RPAP1: variants seen among roughly 807,000 people sequenced by gnomAD.
The protein encoded by RPAP1 is RNA polymerase II-associated protein 1.
A neutral mutation model predicts 142.4 loss-of-function variants in RPAP1; 109 were observed. The ratio of observed to expected loss-of-function variants is 0.77; its 90% CI spans 0.66 to 0.90. The LOEUF is 0.90. Among genes scored for constraint, RPAP1 ranks in the 40% least tolerant of loss-of-function variants. RPAP1 has a pLI of 0.00. For synonymous variants in RPAP1, 704 were observed against 738.9 expected (o/e 0.95, Z 0.77); for missense variants, 1,546 against 1,751.7 (o/e 0.88, Z 2.10).
At chr15:41,524,832 G>A (rs903883860) in intron 15 of RPAP1, among the ~76,000 whole-genome samples, 159 bp downstream of exon 15, 2 of 152,132 alleles carry the variant, frequency 1.3e-5, no homozygotes, top group Admixed American at 6.5e-5. Flanking sequence ...CCCTGGCTGG[G>A]CCTGACTCCT....
intron 1 of RPAP1, among the ~76,000 whole-genome samples, chr15:41,542,405 C>G (rs2051979383): frequency 6.6e-6 from 1 of 152,060 alleles, no homozygotes; most frequent in African/African-American, 2.4e-5. Flanking sequence ...GGAAAAATCC[C>G]TAAAGGTTAA....
At chr15:41,518,377 G>A in intron 22 of RPAP1, 195 bp from the exon 23 acceptor site, 1 of 496,600 alleles carries the variant, frequency 2.0e-6, no homozygotes, top group Non-Finnish European at 3.4e-6. Flanking sequence ...GAACTGAGAA[G>A]CAGCCATTAA....
chr15:41,542,150 G>A (rs138948984), intron 1 of RPAP1, among the ~76,000 whole-genome samples: 20 of 152,288 alleles, frequency 1.3e-4, no homozygotes, highest in African/African-American at 3.1e-4. Flanking sequence ...AGACCATGCC[G>A]AAATGCTGGG....
rs751728805 is a variant in RPAP1, at chr15:41,517,815, A to G, written c.4015T>C (p.Trp1339Arg). The change falls in exon 24 of 25, where the codon TGG becomes CGG. Residue 1339 changes from tryptophan (W) to arginine (R), a missense_variant. Physicochemically the swap from Trp to Arg is moderately radical, Grantham distance 101. Coordinates refer to ENST00000304330, the MANE Select transcript of RPAP1 (RefSeq NM_015540.4). Reference protein sequence around the residue: ...AARRSMLQKTWLLADEGLRQH... With the variant: ...AARRSMLQKTRLLADEGLRQH... ...GACCCTACCTCATCTGCCAGCAGCC[A>G]TGTTTTCTGCAGCATACTCCTGCGG... The G allele has an allele frequency of 1.9e-5, 31 of 1,614,034 alleles. No homozygotes were observed. The highest frequency in any genetic ancestry group is 2.3e-5 in the Non-Finnish European group (27 of 1,180,032).
In RPAP1 at chr15:41,536,995, T is replaced by A. The variant is rs2051917111; in HGVS notation, c.131A>T (p.Asn44Ile). ...KKGNRGGGDA[N>I]SDRPPLQDHR... Reference sequence around the variant, plus strand: ...GTCCTGGAGCGGAGGCCGGTCTGAGTTGGCATCACCACCGCCCCTATTTCC... The same window carrying A: ...GTCCTGGAGCGGAGGCCGGTCTGAGATGGCATCACCACCGCCCCTATTTCC... The change falls in exon 2 of 25, where the codon AAC becomes ATC. Residue 44 changes from asparagine (N) to isoleucine (I), a missense_variant. Physicochemically the swap from Asn to Ile is moderately radical, Grantham distance 149. Around this residue, in one of 3 missense-constraint regions of RPAP1, gnomAD observed 1,333 missense variants for 1,486.6 expected, o/e 0.90. Coordinates refer to ENST00000304330, the MANE Select transcript of RPAP1 (RefSeq NM_015540.4). 1 of 1,614,026 alleles carries A rather than the reference T, an allele frequency of 6.2e-7. No homozygotes were observed. The highest frequency in any genetic ancestry group is 2.2e-5 in the East Asian group (1 of 44,866).
rs761731525 is a variant in RPAP1, at chr15:41,534,765, T to C, written c.712A>G (p.Met238Val). The change falls in exon 6 of 25, where the codon ATG (methionine) becomes GTG (valine). Residue 238 changes from methionine (M) to valine (V), a missense_variant. By Grantham distance (21) the Met-to-Val change is conservative. This residue lies in a region of RPAP1 where 1,333 missense variants were observed against 1,486.6 expected (regional missense o/e 0.90). Transcript: ENST00000304330. ...HEENIARLQA[M>V]APEEILQEQQ... ...TCCTGCAGGATCTCCTCAGGAGCCA[T>C]GGCCTGCAGTCTTGCTATGTTCTCT... 12 of 1,613,990 alleles carry C rather than the reference T, an allele frequency of 7.4e-6. No individual in the cohort carries two copies. In the Admixed American group the frequency reaches 1.7e-4, roughly 22 times the overall value.
rs1179957604 is a variant in RPAP1 at position 41,527,606 on chromosome 15, C to T, written c.1429-1G>A. ...AAGAGAAGGTGCTGTCGAGGAGCTC[C>T]TGCCAGAGGAACGGGAGTTGGGGGG... On this transcript the variant is annotated splice_acceptor_variant, in intron 11 of 24. Coordinates refer to ENST00000304330, the MANE Select transcript of RPAP1 (RefSeq NM_015540.4). LOFTEE classifies it high-confidence loss of function. 1.2e-6 allele frequency: 2 copies of T among 1,610,552 alleles called. No individual in the cohort carries two copies. Among genetic ancestry groups the T allele is most frequent in the Non-Finnish European group, 1.7e-6 (2 of 1,178,668 alleles).
chr15:41,517,603 C>T lies in RPAP1; in HGVS notation c.4121G>A (p.Arg1374His), dbSNP rs373393941. 1.1e-5 allele frequency: 17 copies of T among 1,609,630 alleles called. No individual in the cohort carries two copies. The highest frequency in any genetic ancestry group is 1.4e-5 in the Non-Finnish European group (16 of 1,177,714). The change falls in exon 25 of 25, where the codon CGT becomes CAT. Residue 1374 changes from arginine (R) to histidine (H), a missense_variant. This residue lies in a region of RPAP1 where 210 missense variants were observed against 248.0 expected (regional missense o/e 0.85). Coordinates refer to ENST00000304330, the MANE Select transcript of RPAP1 (RefSeq NM_015540.4). ...FELYSQLPPL[R>H]QHYLQRLTST... is the part of the protein sequence containing the mutation. ...AGTCAGTCTCTGGAGGTAGTGCTGA[C>T]GCAGAGGGGGCAACTGAGAATAGAG... is the stretch of plus-strand genomic sequence containing the variant.
chr15:41,536,407 A>G lies in RPAP1; in HGVS notation c.330+94T>C, dbSNP rs2051907914. The G allele has an allele frequency of 6.0e-6, 9 of 1,511,538 alleles. No homozygotes were observed. The African/African-American group carries it at 9.6e-5, about 16-fold the overall frequency. The allele number at this position is 1,511,538 out of a possible 1,614,324, so 93.6% of individuals were successfully genotyped here. Reference sequence around the variant, plus strand: ...CAGGGGTAAAAGTCTACCTTTCTGAAGCACCCTCCACTGATAAGCCTCACC... The same window carrying G: ...CAGGGGTAAAAGTCTACCTTTCTGAGGCACCCTCCACTGATAAGCCTCACC... On this transcript the variant is annotated intron_variant, in intron 3 of 24. Transcript: ENST00000304330.
At chr15:41,543,334 C>G (rs973492754) in intron 1 of RPAP1, among the ~76,000 whole-genome samples, 1 of 151,546 alleles carries the variant, frequency 6.6e-6, no homozygotes, top group African/African-American at 2.4e-5. Flanking sequence ...CTCAGGCTCC[C>G]GAGTAGCTGG....
chr15:41,537,186 T>C lies in RPAP1; in HGVS notation c.-61A>G, dbSNP rs2051921259. 1.3e-6 allele frequency: 2 copies of C among 1,509,770 alleles called. No individual in the cohort carries two copies. Among genetic ancestry groups the C allele is most frequent in the African/African-American group, 2.8e-5 (2 of 72,154 alleles). The allele number at this position is 1,509,770 out of a possible 1,614,324, so 93.5% of individuals were successfully genotyped here. ...TCCAGCAGTGTCTCCGTGTGGGGGT[T>C]CCCTCTTATTCATCCCTAAGAGCAA... On this transcript the variant is annotated 5_prime_UTR_variant, in exon 2 of 25. Coordinates refer to ENST00000304330, the MANE Select transcript of RPAP1 (RefSeq NM_015540.4).
At position 41,517,590 on chromosome 15, in the gene RPAP1, G is replaced by A. The variant is rs2051677952; in HGVS notation, c.4134C>T (p.Leu1378=). 3 of 1,605,696 alleles carry A rather than the reference G, an allele frequency of 1.9e-6. No homozygotes were observed. The highest frequency in any genetic ancestry group is 2.6e-6 in the Non-Finnish European group (3 of 1,176,276). ...SQLPPLRQHY[L]QRLTSTVLQN... is the part of the protein sequence containing the mutation. ...GGAGCACTGTTGAAGTCAGTCTCTG[G>A]AGGTAGTGCTGACGCAGAGGGGGCA... The change falls in exon 25 of 25, where the codon CTC becomes CTT. Residue 1378 remains leucine (L), a synonymous_variant. Coordinates refer to ENST00000304330, the MANE Select transcript of RPAP1 (RefSeq NM_015540.4).
intron 6 of RPAP1, 137 bp from the exon 7 acceptor site, chr15:41,531,339 T>C (rs1295093479): frequency 1.2e-6 from 1 of 832,038 alleles, no homozygotes; most frequent in African/African-American, 1.7e-5. Flanking sequence ...GGCCTGAGCC[T>C]TCTGGGTGCT....
intron 1 of RPAP1, chr15:41,543,995 G>A (rs1478709346): frequency 1.3e-5 from 2 of 152,240 alleles, no homozygotes; most frequent in African/African-American, 2.4e-5. Flanking sequence ...AAGGGCTCCA[G>A]TTAAGCCTCC....
Position 41,523,917 on chromosome 15 carries a change from C to A in RPAP1, c.2290G>T (p.Val764Leu). 1.2e-6 allele frequency: 2 copies of A among 1,609,100 alleles called. No individual in the cohort carries two copies. The highest frequency in any genetic ancestry group is 3.4e-5 in the Admixed American group (2 of 59,364). The change falls in exon 17 of 25, where the codon GTG (valine) becomes TTG (leucine). Residue 764 changes from valine to leucine, a missense_variant. By Grantham distance (32) the Val-to-Leu change is conservative. Around this residue, in one of 3 missense-constraint regions of RPAP1, gnomAD observed 1,333 missense variants for 1,486.6 expected, o/e 0.90. Coordinates refer to ENST00000304330, the MANE Select transcript of RPAP1 (RefSeq NM_015540.4). The stretch of plus-strand genomic sequence containing the variant: ...TCAACAAGAGGCTGGAGCCCAGACA[C>A]CTGTGTCCAAGTGACTAAGGAAGGG... ...ATPSLVTWTQ[V>L]SGLQPLVEPC...
intron 7 of RPAP1, 73 bp downstream of exon 7, chr15:41,530,950 T>C: frequency 7.0e-7 from 1 of 1,424,316 alleles, no homozygotes; most frequent in Non-Finnish European, 9.6e-7. Context: ...CTTCTCTCAT[T>C]TGCCAGGCCT....
intron 22 of RPAP1, 64 bp from the exon 23 acceptor site, chr15:41,518,246 G>A: frequency 2.9e-6 from 4 of 1,388,196 alleles, no homozygotes; most frequent in African/African-American, 1.4e-5. Context: ...CATAAGGTGT[G>A]TGGATAACGA....
At chr15:41,539,809 A>C (rs904444463) in intron 1 of RPAP1, among the ~76,000 whole-genome samples, 4 of 151,806 alleles carry the variant, frequency 2.6e-5, no homozygotes, top group Admixed American at 1.3e-4. Context: ...AGGCTGAGAC[A>C]GGTGGCTCAC....
intron 9 of RPAP1, 148 bp downstream of exon 9, chr15:41,529,322 G>GATTCTGTCTCCA (rs2051824776): frequency 4.9e-6 from 3 of 615,148 alleles, no homozygotes; most frequent in Admixed American, 5.5e-5. Flanking sequence ...GCCAGAGCGA[G>GATTCTGTCTCCA]ATTCTGTCTC....
Sources: gnomAD v4.1 joint callset for allele counts (sites outside exome capture counted in the v4.1 genomes callset) on GRCh38, gnomAD v4.1.1 for gene constraint, gnomAD v4.1.1 regional missense constraint, MANE v1.5 for transcripts, NCBI Gene and HGNC (gene_info 2026-07-23, HGNC 2026-07-21) for gene names.